Variants in CNOT1 observed in about 807,000 individuals in gnomAD.
The protein encoded by CNOT1 is CCR4-NOT transcription complex subunit 1, also known as CCR4-associated factor 1.
A neutral mutation model predicts 273.8 loss-of-function variants in CNOT1; 15 were observed. That is an observed-to-expected ratio of 0.05 (90% CI 0.04 to 0.08). The LOEUF (loss-of-function observed/expected upper bound fraction) is 0.08. Among genes scored for constraint, CNOT1 ranks in the 10% least tolerant of loss-of-function variants. The pLI is 1.00. For synonymous variants in CNOT1, 1,022 were observed against 1,005.5 expected (o/e 1.02, Z -0.31); for missense variants, 1,644 against 2,912.2 (o/e 0.56, Z 10.02).
In CNOT1 at chr16:58,578,950, AG is replaced by A. The variant is rs2041559151; in HGVS notation, c.1344-12del. 1 of 1,611,300 alleles carries A rather than the reference AG, an allele frequency of 6.2e-7. No individual in the cohort carries two copies. The highest frequency in any genetic ancestry group is 1.7e-5 in the Admixed American group (1 of 59,946). On this transcript the variant is annotated splice_polypyrimidine_tract_variant and intron_variant, in intron 12 of 48. Transcript: ENST00000317147. The stretch of plus-strand genomic sequence containing the variant: ...AAATCCAAGCTCTTCCTAACGAGAA[AG>A]GAAGAAACATGCTTTATCAATGAAA...
At chr16:58,549,923 A>C in intron 24 of CNOT1, 25 bp from the exon 25 acceptor site, 2 of 1,612,800 alleles carry the variant, frequency 1.2e-6, no homozygotes, top group Admixed American at 1.7e-5. Context: ...CGACATGGGA[A>C]GCACAGAATT....
intron 15 of CNOT1, 45 bp downstream of exon 15, chr16:58,574,962 C>A: frequency 6.2e-7 from 1 of 1,602,628 alleles, no homozygotes; most frequent in Non-Finnish European, 8.5e-7. Flanking sequence ...GCCATTTTAG[C>A]CACCAAAATT....
chr16:58,597,061 C>A, intron 2 of CNOT1, among the ~76,000 whole-genome samples: 1 of 147,338 alleles, frequency 6.8e-6, no homozygotes, highest in Non-Finnish European at 1.5e-5. Flanking sequence ...TCTTTTTTAT[C>A]AACTGGTCTA....
intron 25 of CNOT1, chr16:58,548,703 T>C (rs2040344052): frequency 2.2e-6 from 1 of 450,586 alleles, no homozygotes; most frequent in Middle Eastern, 3.9e-4. Flanking sequence ...TCTAGAAGTT[T>C]TTCCTCCTAA....
intron 1 of CNOT1, among the ~76,000 whole-genome samples, chr16:58,619,834 T>C (rs931713575): frequency 1.4e-4 from 21 of 152,144 alleles, no homozygotes; most frequent in African/African-American, 4.8e-4. Context: ...CTAAGAAAAC[T>C]CTATCCAAAT....
chr16:58,546,886 C>G, intron 27 of CNOT1, 137 bp from the exon 28 acceptor site: 1 of 1,162,702 alleles, frequency 8.6e-7, no homozygotes, highest in Non-Finnish European at 1.2e-6. Flanking sequence ...TAAAAAATAA[C>G]CAAAAACAGT....
intron 1 of CNOT1, among the ~76,000 whole-genome samples, chr16:58,618,284 A>T (rs1191868624): frequency 2.6e-5 from 4 of 151,980 alleles, no homozygotes; most frequent in Non-Finnish European, 5.9e-5. Context: ...AAAAAAAAAA[A>T]TTAATTAAAA....
chr16:58,571,194 ATGT>A (rs1282858393), intron 16 of CNOT1, among the ~76,000 whole-genome samples: 2 of 152,338 alleles, frequency 1.3e-5, no homozygotes, highest in African/African-American at 4.8e-5. Context: ...AACAAAACAA[ATGT>A]TTAAGAAAAA....
At chr16:58,527,978 T>A (rs954109412) in intron 44 of CNOT1, 5 of 333,524 alleles carry the variant, frequency 1.5e-5, no homozygotes, top group African/African-American at 1.1e-4. Context: ...CCAGGTGTGG[T>A]GGCGAGTGCC....
At chr16:58,578,589 A>G (rs2041548831) in intron 13 of CNOT1, 110 bp downstream of exon 13, 3 of 1,482,022 alleles carry the variant, frequency 2.0e-6, no homozygotes, top group South Asian at 1.4e-5. Flanking sequence ...TTTTAAAGTC[A>G]TAATAATTCA....
chr16:58,593,513 C>T lies in CNOT1; in HGVS notation c.103-4607G>A, dbSNP rs149254729. Among the ~76,000 whole-genome samples the T allele has an allele frequency of 7.1e-3, 1,065 of 150,692 alleles. 17 individuals carry two copies. Among genetic ancestry groups the T allele is most frequent in the African/African-American group, 0.025 (1,024 of 40,922 alleles). On this transcript the variant is annotated intron_variant, in intron 2 of 48. Coordinates refer to ENST00000317147, the MANE Select transcript of CNOT1 (RefSeq NM_016284.5). ...GGTGGAGGTTGCAGCGAGCGGAGAT[C>T]GTGCCATTGTACTTACTCCAACCTG...
At position 58,558,687 on chromosome 16, in the gene CNOT1, A is replaced by G. The variant is rs751247833; in HGVS notation, c.2131-13T>C. ...CAAGAGGGTCAATCTAAAGAAAAACATTATAAAAATGTATTAAACATACTT... is the reference window on the plus strand; with the variant it reads ...CAAGAGGGTCAATCTAAAGAAAAACGTTATAAAAATGTATTAAACATACTT... On this transcript the variant is annotated splice_polypyrimidine_tract_variant and intron_variant, in intron 17 of 48. Transcript: ENST00000317147. 1 of 1,610,240 alleles carries G rather than the reference A, an allele frequency of 6.2e-7. No individual in the cohort carries two copies. The highest frequency in any genetic ancestry group is 8.5e-7 in the Non-Finnish European group (1 of 1,178,030).
intron 16 of CNOT1, among the ~76,000 whole-genome samples, chr16:58,565,339 TC>T (rs1442840738): frequency 6.6e-6 from 1 of 152,130 alleles, no homozygotes; most frequent in Non-Finnish European, 1.5e-5. Context: ...GGTCTCAAAC[TC>T]CTAAGCTCAA....
intron 1 of CNOT1, among the ~76,000 whole-genome samples, chr16:58,604,415 A>G (rs1891352320): frequency 6.6e-6 from 1 of 152,132 alleles, no homozygotes. Flanking sequence ...GTTGTCTACT[A>G]TTGGCTCTTT....
chr16:58,585,198 C>G lies in CNOT1; in HGVS notation c.806+140G>C, dbSNP rs534108950. The G allele has an allele frequency of 1.0e-4, 120 of 1,200,112 alleles. No individual in the cohort carries two copies. The East Asian group carries it at 2.8e-3, about 28-fold the overall frequency. 74.3% of individuals were successfully genotyped at this position (1,200,112 alleles called of 1,614,324 possible). ...TTTACAGCTGTCACACACACTAGTT[C>G]GTGGAAGATTAAAATTTAGAAGCAT... On this transcript the variant is annotated intron_variant, in intron 8 of 48. Transcript: ENST00000317147.
At position 58,543,411 on chromosome 16, in the gene CNOT1, G is replaced by GA. The variant is rs5817153; in HGVS notation, c.4434+195dup. On this transcript the variant is annotated intron_variant, in intron 31 of 48. Coordinates refer to ENST00000317147, the MANE Select transcript of CNOT1 (RefSeq NM_016284.5). ...CAAACATCGTGTTGAGAATATAACAGAAAAAAAAAAAAACACACAGACATG... is the reference window on the plus strand; with the variant it reads ...CAAACATCGTGTTGAGAATATAACAGAAAAAAAAAAAAAACACACAGACATG... The GA allele has an allele frequency of 0.14, 152,566 of 1,089,636 alleles. 1 individual carries two copies. The highest frequency in any genetic ancestry group is 0.15 in the Non-Finnish European group (121,192 of 807,036). 67.5% of individuals were successfully genotyped at this position (1,089,636 alleles called of 1,614,324 possible). A position where few individuals can be genotyped will look rare whatever the true frequency, so the allele number is the denominator to read the frequency against.
chr16:58,562,651 G>A (rs1427984000), intron 16 of CNOT1, among the ~76,000 whole-genome samples: 1 of 151,344 alleles, frequency 6.6e-6, no homozygotes, highest in Non-Finnish European at 1.5e-5. Flanking sequence ...GTGAAATCCC[G>A]TCTCTACTAA....
chr16:58,608,533 G>A (rs2042768626), intron 1 of CNOT1, among the ~76,000 whole-genome samples: 1 of 137,814 alleles, frequency 7.3e-6, no homozygotes, highest in South Asian at 2.3e-4. Flanking sequence ...CAGCCTGGGT[G>A]ACGTAGTGAG....
At chr16:58,600,988 CTT>C (rs1423997843) in intron 1 of CNOT1, among the ~76,000 whole-genome samples, 1 of 152,134 alleles carries the variant, frequency 6.6e-6, no homozygotes, top group Non-Finnish European at 1.5e-5. Context: ...CAGTTTCACT[CTT>C]GTTGCCGAGG....
Sources: allele counts gnomAD v4.1 joint callset (sites outside exome capture counted in the v4.1 genomes callset), GRCh38; gene constraint gnomAD v4.1.1; transcripts MANE v1.5; gene names NCBI Gene and HGNC (gene_info 2026-07-23, HGNC 2026-07-21).